The following KLHL3 variants were observed in gnomAD, a reference collection of about 807,000 sequenced individuals.
KLHL3 encodes the protein kelch like family member 3, also known as kelch-like protein 3.
A neutral mutation model predicts 70.5 loss-of-function variants in KLHL3; 19 were observed. The ratio of observed to expected loss-of-function variants is 0.27; its 90% CI spans 0.19 to 0.40. KLHL3 has a LOEUF of 0.40. Ranked by LOEUF, KLHL3 falls within the 10% of genes least tolerant of loss-of-function variation. The pLI is 1.00. For missense variants in KLHL3, 512 were observed against 771.1 expected, an observed-to-expected ratio of 0.66 and a Z score of 3.98; for synonymous variants, 258 against 290.3, an observed-to-expected ratio of 0.89 and a Z score of 1.13.
At chr5:137,661,069 T>C (rs1421006827) in intron 7 of KLHL3, 4 of 152,242 alleles carry the variant, frequency 2.6e-5, no homozygotes, top group Admixed American at 2.0e-4. Flanking sequence ...GTTTATTCTC[T>C]GCTTATAAAA....
rs533204009 is a variant in KLHL3, at chr5:137,653,997, G to C, written c.903+4134C>G. Among the ~76,000 whole-genome samples the C allele has an allele frequency of 1.3e-3, 200 of 152,238 alleles. 1 individual carries two copies. The highest frequency in any genetic ancestry group is 4.6e-3 in the African/African-American group (191 of 41,546). On this transcript the variant is annotated intron_variant, in intron 8 of 14. Transcript: ENST00000309755. ...GTAAGAAAAACAAGCCAAGCTCAAA[G>C]GACTACATACAGCATGATTCCATTT...
At chr5:137,655,668 T>C (rs1751321094) in intron 8 of KLHL3, among the ~76,000 whole-genome samples, 1 of 152,112 alleles carries the variant, frequency 6.6e-6, no homozygotes, top group South Asian at 2.1e-4. Flanking sequence ...CTAACCTCTT[T>C]CATGTACAAA....
At chr5:137,691,614 CTTT>C (rs34825035) in intron 5 of KLHL3, among the ~76,000 whole-genome samples, 11 of 143,298 alleles carry the variant, frequency 7.7e-5, no homozygotes, top group African/African-American at 7.8e-5. Flanking sequence ...TAGTACGTGA[CTTT>C]TTTTTTTTTT....
chr5:137,693,326 C>T (rs771018736), intron 4 of KLHL3, among the ~76,000 whole-genome samples: 9 of 152,304 alleles, frequency 5.9e-5, no homozygotes, highest in Non-Finnish European at 1.3e-4. Context: ...GGTCACAGGA[C>T]ACATGACTAT....
chr5:137,699,981 G>A (rs1752532767), intron 3 of KLHL3, among the ~76,000 whole-genome samples: 1 of 152,204 alleles, frequency 6.6e-6, no homozygotes, highest in South Asian at 2.1e-4. Context: ...GGAGAGAAAA[G>A]TAGCGGGGGA....
At chr5:137,640,683 G>A (rs551428321) in intron 8 of KLHL3, among the ~76,000 whole-genome samples, 2 of 152,208 alleles carry the variant, frequency 1.3e-5, no homozygotes, top group African/African-American at 4.8e-5. Flanking sequence ...AGCTAAGAGT[G>A]TAGGCAGAGA....
chr5:137,665,601 G>A (rs4562036), intron 6 of KLHL3, among the ~76,000 whole-genome samples: 1 of 151,978 alleles, frequency 6.6e-6, no homozygotes, highest in Non-Finnish European at 1.5e-5. Flanking sequence ...TAATTTTTCA[G>A]AATAAGCAGT....
Position 137,627,993 on chromosome 5 carries a change from G to T in KLHL3, c.1591+304C>A, listed in dbSNP as rs1750522058. The T allele has an allele frequency of 1.8e-5, 6 of 334,508 alleles. No individual in the cohort carries two copies. In the South Asian group the frequency reaches 2.3e-4, roughly 13 times the overall value. The allele number at this position is 334,508 out of a possible 1,614,324, so 20.7% of individuals were successfully genotyped here. ...TACCTACTAAAGCTGTTGGGCAGCG[G>T]GCACTGATGGCAACCAGAGGACTTT... On this transcript the variant is annotated intron_variant, in intron 13 of 14. Transcript: ENST00000309755.
chr5:137,639,814 G>A lies in KLHL3; in HGVS notation c.1021+46C>T, dbSNP rs1416875627. 7.0e-7 allele frequency: 1 copy of A among 1,434,702 alleles called. No individual in the cohort carries two copies. Among genetic ancestry groups the A allele is most frequent in the Admixed American group, 1.7e-5 (1 of 59,686 alleles). 88.9% of individuals were successfully genotyped at this position (1,434,702 alleles called of 1,614,324 possible). On this transcript the variant is annotated intron_variant, in intron 9 of 14. Coordinates refer to ENST00000309755, the MANE Select transcript of KLHL3 (RefSeq NM_017415.3). This position sits in a 1 kb window ranked among gnomAD's most constrained non-coding sequence, Gnocchi z 5.0. ...GCTCACGACTTCTGGCACGGAGTGG[G>A]GACCAGCAGGGGAAAAACAGCTTGC...
chr5:137,657,902 A>C (rs2149895787), intron 8 of KLHL3, among the ~76,000 whole-genome samples: 1 of 152,214 alleles, frequency 6.6e-6, no homozygotes, highest in South Asian at 2.1e-4. Flanking sequence ...TTATTCTCAA[A>C]CCTCCCTGAT....
chr5:137,703,758 C>A (rs1752618280), intron 3 of KLHL3, among the ~76,000 whole-genome samples: 1 of 151,982 alleles, frequency 6.6e-6, no homozygotes, highest in Admixed American at 6.5e-5. Context: ...GCCTCATCAC[C>A]CGCCCTCCCT....
chr5:137,621,273 C>T lies in KLHL3; in HGVS notation c.*825G>A, dbSNP rs1318451612. 2 of 152,688 alleles carry T rather than the reference C, an allele frequency of 1.3e-5. No individual in the cohort carries two copies. Among genetic ancestry groups the T allele is most frequent in the Admixed American group, 6.5e-5 (1 of 15,272 alleles). The allele number at this position is 152,688 out of a possible 1,614,324, so 9.5% of individuals were successfully genotyped here. ...TTTTGTTTTTCAGTGTTACCCGAGGCTTCTCTGAAGAGCTAGTTTTCCCAG... is the reference window on the plus strand; with the variant it reads ...TTTTGTTTTTCAGTGTTACCCGAGGTTTCTCTGAAGAGCTAGTTTTCCCAG... On this transcript the variant is annotated 3_prime_UTR_variant, in exon 15 of 15. Transcript: ENST00000309755.
chr5:137,668,795 T>C (rs575371624), intron 6 of KLHL3, among the ~76,000 whole-genome samples: 3 of 152,340 alleles, frequency 2.0e-5, no homozygotes, highest in East Asian at 3.9e-4. Context: ...GACATTACAC[T>C]GGTAGTTGAA....
intron 11 of KLHL3, among the ~76,000 whole-genome samples, chr5:137,636,466 A>G (rs1750768710): frequency 6.6e-6 from 1 of 152,214 alleles, no homozygotes; most frequent in Non-Finnish European, 1.5e-5. Flanking sequence ...GTAATATTCT[A>G]TGCTTTGGTA....
chr5:137,701,907 A>T (rs1022577716), intron 3 of KLHL3, among the ~76,000 whole-genome samples: 1 of 152,254 alleles, frequency 6.6e-6, no homozygotes, highest in Non-Finnish European at 1.5e-5. Flanking sequence ...TGTCAACTGC[A>T]TATCTTGTTA....
chr5:137,648,228 G>A lies in KLHL3; in HGVS notation c.904-8251C>T, dbSNP rs577802709. 2.5e-4 allele frequency among the ~76,000 whole-genome samples: 38 copies of A among 152,252 alleles called. 1 individual carries two copies. Among genetic ancestry groups the A allele is most frequent in the African/African-American group, 8.7e-4 (36 of 41,534 alleles). ...GTCAGGGTGTGGACCAAGGTGGAAG[G>A]GGGCAGTGCCCATCCAGGGGCCTGG... On this transcript the variant is annotated intron_variant, in intron 8 of 14. Transcript: ENST00000309755.
intron 7 of KLHL3, among the ~76,000 whole-genome samples, chr5:137,658,571 GTTTGT>G: frequency 6.6e-6 from 1 of 152,232 alleles, no homozygotes; most frequent in East Asian, 1.9e-4. Flanking sequence ...CACTAGTTTT[GTTTGT>G]TTTGAGGCTT....
chr5:137,653,614 C>G (rs1364170306), intron 8 of KLHL3, among the ~76,000 whole-genome samples: 1 of 152,158 alleles, frequency 6.6e-6, no homozygotes, highest in Non-Finnish European at 1.5e-5. Context: ...CAAGTAGTAG[C>G]AGGACTGCAG....
At chr5:137,705,998 T>C (rs1752677735) in intron 3 of KLHL3, 1 of 985,220 alleles carries the variant, frequency 1.0e-6, no homozygotes, top group African/African-American at 1.7e-5. Flanking sequence ...TCACCCCAGA[T>C]CTTCTTATAG....
Sources: gnomAD v4.1 joint callset for allele counts (sites outside exome capture counted in the v4.1 genomes callset) on GRCh38, gnomAD v4.1.1 for gene constraint, Gnocchi (gnomAD v3.1) non-coding constraint, MANE v1.5 for transcripts, NCBI Gene and HGNC (gene_info 2026-07-23, HGNC 2026-07-21) for gene names.